TMEFF1: variants seen among roughly 807,000 people sequenced by gnomAD.
The protein encoded by TMEFF1 is tomoregulin-1.
A neutral mutation model predicts 47.5 loss-of-function variants in TMEFF1; 20 were observed. The observed-to-expected ratio is 0.42, with a 90% CI of 0.30 to 0.61. The LOEUF (loss-of-function observed/expected upper bound fraction) is 0.61. Among genes scored for constraint, TMEFF1 ranks in the 20% least tolerant of loss-of-function variants. The probability of loss-of-function intolerance (pLI) is 0.19; values close to 1 mark genes in which losing one functional copy is unlikely to be tolerated. For missense variants in TMEFF1, 411 were observed against 471.1 expected (o/e 0.87, Z 1.18); for synonymous variants, 162 against 166.3 (o/e 0.97, Z 0.20).
chr9:100,543,423 A>G (rs1190659745), intron 5 of TMEFF1, among the ~76,000 whole-genome samples: 1 of 150,148 alleles, frequency 6.7e-6, no homozygotes, highest in African/African-American at 2.5e-5. Context: ...TTAAAAATCG[A>G]TTTGTTCTCC....
At chr9:100,506,753 C>T (rs1243913389) in intron 2 of TMEFF1, among the ~76,000 whole-genome samples, 1 of 124,802 alleles carries the variant, frequency 8.0e-6, no homozygotes, top group South Asian at 2.6e-4. Context: ...GGCGACAGAG[C>T]GAGACTCCAT....
intron 1 of TMEFF1, among the ~76,000 whole-genome samples, chr9:100,492,349 A>T (rs1377179040): frequency 6.6e-6 from 1 of 152,224 alleles, no homozygotes; most frequent in Non-Finnish European, 1.5e-5. Context: ...TTTAGTTTTC[A>T]TAGAAGTAAT....
At chr9:100,576,077 A>G (rs1294765113) in intron 9 of TMEFF1, among the ~76,000 whole-genome samples, 1 of 152,052 alleles carries the variant, frequency 6.6e-6, no homozygotes, top group Non-Finnish European at 1.5e-5. Flanking sequence ...TTCTCCCTTC[A>G]TCTAAGCTCT....
At chr9:100,533,003 C>G (rs2118458552) in intron 5 of TMEFF1, among the ~76,000 whole-genome samples, 1 of 148,368 alleles carries the variant, frequency 6.7e-6, no homozygotes, top group Non-Finnish European at 1.5e-5. Flanking sequence ...AAACAAAACA[C>G]TGCATATTCT....
chr9:100,505,410 C>CAAAA (rs60312984), intron 2 of TMEFF1, among the ~76,000 whole-genome samples: 90 of 26,452 alleles, frequency 3.4e-3, no homozygotes, highest in African/African-American at 6.9e-3. Context: ...GACCCTGTCT[C>CAAAA]AAAAAAAAAA....
intron 5 of TMEFF1, among the ~76,000 whole-genome samples, chr9:100,527,436 A>G (rs940712343): frequency 1.3e-5 from 2 of 152,228 alleles, no homozygotes; most frequent in African/African-American, 2.4e-5. Flanking sequence ...GGGAAGTGCA[A>G]GGGGTGAGGG....
At chr9:100,556,226 T>C (rs770133003) in intron 7 of TMEFF1, among the ~76,000 whole-genome samples, 4 of 152,226 alleles carry the variant, frequency 2.6e-5, no homozygotes, top group Non-Finnish European at 4.4e-5. Flanking sequence ...CCATAGTGCC[T>C]GGAACGTAAT....
chr9:100,495,181 A>C (rs1837629031), intron 1 of TMEFF1, among the ~76,000 whole-genome samples: 1 of 152,184 alleles, frequency 6.6e-6, no homozygotes, highest in South Asian at 2.1e-4. Flanking sequence ...TGTGTGTACT[A>C]TGAAATTACT....
chr9:100,477,912 C>T (rs1355081945), intron 1 of TMEFF1, among the ~76,000 whole-genome samples: 1 of 152,180 alleles, frequency 6.6e-6, no homozygotes, highest in Non-Finnish European at 1.5e-5. Flanking sequence ...CAGGCATGAG[C>T]CACTGCGCCC....
intron 7 of TMEFF1, among the ~76,000 whole-genome samples, chr9:100,553,378 A>G (rs1475752648): frequency 6.6e-6 from 1 of 152,214 alleles, no homozygotes; most frequent in Non-Finnish European, 1.5e-5. Flanking sequence ...TGCAACACAC[A>G]GCCAAGATTG....
At chr9:100,520,819 G>A (rs73655584) in intron 5 of TMEFF1, among the ~76,000 whole-genome samples, 17,941 of 152,274 alleles carry the variant, frequency 0.12, 1,181 homozygotes, top group Middle Eastern at 0.18. Context: ...CAGAACATAG[G>A]TCTCATGACA....
intron 1 of TMEFF1, among the ~76,000 whole-genome samples, chr9:100,495,189 A>G (rs1837629098): frequency 6.6e-6 from 1 of 152,190 alleles, no homozygotes; most frequent in Admixed American, 6.5e-5. Context: ...CTATGAAATT[A>G]CTTTCTCTCT....
At chr9:100,477,474 C>A (rs1008274801) in intron 1 of TMEFF1, among the ~76,000 whole-genome samples, 25 of 152,146 alleles carry the variant, frequency 1.6e-4, no homozygotes, top group Admixed American at 1.6e-3. Context: ...AAATAAAAAG[C>A]ACATGTTGTA....
intron 1 of TMEFF1, among the ~76,000 whole-genome samples, chr9:100,490,092 G>T (rs1837521548): frequency 6.6e-6 from 1 of 152,174 alleles, no homozygotes; most frequent in East Asian, 1.9e-4. Flanking sequence ...TTAACAAAGG[G>T]TAGTTGGCAG....
chr9:100,564,457 A>G (rs1164427140), intron 8 of TMEFF1, among the ~76,000 whole-genome samples: 1 of 152,258 alleles, frequency 6.6e-6, no homozygotes, highest in Non-Finnish European at 1.5e-5. Flanking sequence ...AAATTCAACT[A>G]TGACAGAGAT....
intron 1 of TMEFF1, among the ~76,000 whole-genome samples, chr9:100,477,217 C>A (rs1473256396): frequency 1.3e-5 from 2 of 152,086 alleles, no homozygotes; most frequent in East Asian, 3.9e-4. Flanking sequence ...AGGATGGAAC[C>A]CTGCGACATA....
At chr9:100,505,360 C>T (rs1285674333) in intron 2 of TMEFF1, among the ~76,000 whole-genome samples, 1 of 138,492 alleles carries the variant, frequency 7.2e-6, no homozygotes, top group Non-Finnish European at 1.5e-5. Context: ...AGCAGTGAGC[C>T]TAGATTGCAC....
chr9:100,552,836 T>C (rs555589668), intron 7 of TMEFF1, among the ~76,000 whole-genome samples: 43 of 147,044 alleles, frequency 2.9e-4, no homozygotes, highest in Non-Finnish European at 5.4e-4. Context: ...CACTTAAGCC[T>C]GGGCGACAAA....
At chr9:100,554,356 A>T (rs1190678578) in intron 7 of TMEFF1, among the ~76,000 whole-genome samples, 2 of 152,152 alleles carry the variant, frequency 1.3e-5, no homozygotes, top group African/African-American at 4.8e-5. Flanking sequence ...AGTCATATAG[A>T]GGATGATTAG....
Sources: gnomAD v4.1 joint callset for allele counts (sites outside exome capture counted in the v4.1 genomes callset) on GRCh38, gnomAD v4.1.1 for gene constraint, MANE v1.5 for transcripts, NCBI Gene and HGNC (gene_info 2026-07-23, HGNC 2026-07-21) for gene names.